Variants in EPAS1 observed in about 807,000 individuals in gnomAD.
The protein encoded by EPAS1 is endothelial PAS domain-containing protein 1.
Under a neutral mutation model 87.9 loss-of-function variants are expected in EPAS1, and 23 were observed. The ratio of observed to expected loss-of-function variants is 0.26; its 90% confidence interval spans 0.19 to 0.37. The LOEUF is 0.37. Ranked by LOEUF, EPAS1 falls within the 10% of genes least tolerant of loss-of-function variation. EPAS1 has a pLI of 1.00. For synonymous variants in EPAS1, 508 were observed against 444.3 expected, an observed-to-expected ratio of 1.14 and a Z score of -1.80; for missense variants, 1,138 against 1,120.7, an observed-to-expected ratio of 1.02 and a Z score of -0.22.
intron 10 of EPAS1, 144 bp from the exon 11 acceptor site, chr2:46,378,513 A>G: frequency 1.4e-6 from 1 of 731,888 alleles, no homozygotes; most frequent in Non-Finnish European, 2.4e-6. Flanking sequence ...ACAGCTTGTT[A>G]ATTAGCAGCC....
chr2:46,374,388 G>T (rs1455708382), intron 7 of EPAS1, among the ~76,000 whole-genome samples: 1 of 152,180 alleles, frequency 6.6e-6, no homozygotes, highest in Non-Finnish European at 1.5e-5. Context: ...GTATCTCTAA[G>T]AAAGAGGTGG....
chr2:46,350,230 T>C (rs961145940), intron 2 of EPAS1, among the ~76,000 whole-genome samples: 2 of 152,238 alleles, frequency 1.3e-5, no homozygotes, highest in East Asian at 1.9e-4. Flanking sequence ...GTCAAACTTT[T>C]CCAAGGCAAA....
Position 46,371,046 on chromosome 2 carries a change from A to C in EPAS1, c.886+1113A>C, listed in dbSNP as rs1480422790. On this transcript the variant is annotated intron_variant, in intron 7 of 15. Transcript: ENST00000263734. This position sits in a 1 kb window ranked among gnomAD's most constrained non-coding sequence, Gnocchi z 4.3. ...GTACAGAACAGGCACTAAATGCACTATATAAACCGATGGGCAAGACTGTAT... is the reference window on the plus strand; with the variant it reads ...GTACAGAACAGGCACTAAATGCACTCTATAAACCGATGGGCAAGACTGTAT... Among the ~76,000 whole-genome samples, 2 of 152,214 alleles carry C rather than the reference A, an allele frequency of 1.3e-5. No individual in the cohort carries two copies. The highest frequency in any genetic ancestry group is 2.9e-5 in the Non-Finnish European group (2 of 68,044).
intron 15 of EPAS1, 92 bp from the exon 16 acceptor site, chr2:46,384,417 G>A (rs750560801): frequency 1.9e-6 from 3 of 1,561,518 alleles, no homozygotes; most frequent in Non-Finnish European, 2.6e-6. Flanking sequence ...AATTAGGGCT[G>A]CTCTATTGGT....
chr2:46,347,082 C>A lies in EPAS1; in HGVS notation c.217+19C>A, dbSNP rs1684044788. 3 of 1,614,108 alleles carry A rather than the reference C, an allele frequency of 1.9e-6. 1 individual carries two copies. The highest frequency in any genetic ancestry group is 3.3e-4 in the Middle Eastern group (2 of 6,062). ...TCCTCAGGTAAGGCCAGCAGGCTCC[C>A]CTAGGCTGGGCAGATGCCAGCCTTA... On this transcript the variant is annotated intron_variant, in intron 2 of 15. Transcript: ENST00000263734. The surrounding 1 kb of genome is among the most constrained non-coding windows in gnomAD (Gnocchi z 4.2).
intron 1 of EPAS1, 42 bp downstream of exon 1, chr2:46,297,979 C>G: frequency 6.2e-7 from 1 of 1,607,008 alleles, no homozygotes; most frequent in Non-Finnish European, 8.5e-7. Context: ...GGTCCGAGGC[C>G]AGGGCCGGGC....
chr2:46,297,800 C>G lies in EPAS1; in HGVS notation c.-112C>G. ...GGGCGCTCGGGACCTGCGCGCACCT[C>G]GGACCTTCACCACCCGCCCGGGCCG... On this transcript the variant is annotated 5_prime_UTR_variant, in exon 1 of 16. Coordinates refer to ENST00000263734, the MANE Select transcript of EPAS1 (RefSeq NM_001430.5). The G allele has an allele frequency of 6.8e-6, 10 of 1,460,944 alleles. No individual in the cohort carries two copies. Among genetic ancestry groups the G allele is most frequent in the Non-Finnish European group, 7.5e-6 (8 of 1,069,878 alleles). The allele number at this position is 1,460,944 out of a possible 1,614,324, so 90.5% of individuals were successfully genotyped here.
At position 46,371,151 on chromosome 2, in the gene EPAS1, G is replaced by A. The variant is rs182489284; in HGVS notation, c.886+1218G>A. ...AGAGGATTATGGGAGGATTAAAAAC[G>A]GGTAAAGTAAGTCTGAGAAGATTCC... On this transcript the variant is annotated intron_variant, in intron 7 of 15. Coordinates refer to ENST00000263734, the MANE Select transcript of EPAS1 (RefSeq NM_001430.5). This position sits in a 1 kb window ranked among gnomAD's most constrained non-coding sequence, Gnocchi z 4.3. 1.3e-4 allele frequency among the ~76,000 whole-genome samples: 20 copies of A among 152,232 alleles called. No homozygotes were observed. The highest frequency in any genetic ancestry group is 2.1e-4 in the South Asian group (1 of 4,808).
Position 46,381,630 on chromosome 2 carries a change from G to A in EPAS1, c.2080G>A (p.Val694Met), listed in dbSNP as rs375544083. 1.1e-5 allele frequency: 18 copies of A among 1,613,868 alleles called. No homozygotes were observed. Among genetic ancestry groups the A allele is most frequent in the East Asian group, 2.2e-5 (1 of 44,900 alleles). The change falls in exon 13 of 16, where the codon GTG becomes ATG. Residue 694 changes from valine to methionine, a missense_variant. Transcript: ENST00000263734. ...GGGTTTTGGGGCTCGAGGCCCAGAC[G>A]TGCTGAGTCCGGCCATGGTAGCCCT... is the stretch of plus-strand genomic sequence containing the variant. ...AKGFGARGPD[V>M]LSPAMVALSN...
chr2:46,338,390 T>C (rs556731961), intron 1 of EPAS1, among the ~76,000 whole-genome samples: 1 of 152,338 alleles, frequency 6.6e-6, no homozygotes, highest in African/African-American at 2.4e-5. Context: ...GTCTCTTAGC[T>C]GAAGGCTGCA....
At chr2:46,302,734 G>T (rs1232269166) in intron 1 of EPAS1, among the ~76,000 whole-genome samples, 3 of 119,548 alleles carry the variant, frequency 2.5e-5, no homozygotes, top group East Asian at 3.4e-4. Flanking sequence ...GTCTGATTAG[G>T]AAAAAAAAAA....
At position 46,376,522 on chromosome 2, in the gene EPAS1, T is replaced by C. The variant is rs577048768; in HGVS notation, c.1035-17T>C. On this transcript the variant is annotated splice_polypyrimidine_tract_variant and intron_variant, in intron 8 of 15. Transcript: ENST00000263734. ...AGAAAATGTGGAAAGTCTGAATGGC[T>C]CTTTCCCCCCCATTAGTGAGATTGA... 6.2e-7 allele frequency: 1 copy of C among 1,612,518 alleles called. No homozygotes were observed. The highest frequency in any genetic ancestry group is 1.3e-5 in the African/African-American group (1 of 74,978).
In EPAS1 at chr2:46,361,015, T is replaced by G. The variant is rs924437921; in HGVS notation, c.704T>G (p.Met235Arg). 1.9e-6 allele frequency: 3 copies of G among 1,614,002 alleles called. No individual in the cohort carries two copies. The highest frequency in any genetic ancestry group is 1.1e-5 in the South Asian group (1 of 91,086). ...GAACCAATCCAGCACCCATCCCACA[T>G]GGACATCCCCCTGGATAGCAAGACC... is the stretch of plus-strand genomic sequence containing the variant. ...MCEPIQHPSH[M>R]DIPLDSKTFL... Residue 235 changes from methionine to arginine, a missense_variant, in exon 6 of 16, where the codon ATG becomes AGG. By Grantham distance (91) the Met-to-Arg change is moderately conservative. Transcript: ENST00000263734.
intron 1 of EPAS1, among the ~76,000 whole-genome samples, chr2:46,338,224 C>T (rs948475836): frequency 6.6e-5 from 10 of 152,134 alleles, no homozygotes; most frequent in African/African-American, 2.2e-4. Flanking sequence ...GGGTCTGTCT[C>T]CTTATGTGTA....
chr2:46,322,943 A>G (rs968884055), intron 1 of EPAS1, among the ~76,000 whole-genome samples: 2 of 152,222 alleles, frequency 1.3e-5, no homozygotes, highest in African/African-American at 4.8e-5. Flanking sequence ...GAAGTTTGCA[A>G]TTTCTGTACT....
At chr2:46,344,229 C>T (rs1683970069) in intron 1 of EPAS1, among the ~76,000 whole-genome samples, 4 of 152,196 alleles carry the variant, frequency 2.6e-5, no homozygotes, top group Admixed American at 2.0e-4. Flanking sequence ...ATGCCATTGT[C>T]AGAGCATTGA....
At chr2:46,315,760 G>A (rs1029540373) in intron 1 of EPAS1, among the ~76,000 whole-genome samples, 2 of 152,238 alleles carry the variant, frequency 1.3e-5, no homozygotes, top group Admixed American at 1.3e-4. Context: ...ACGTCACCCA[G>A]GGGTGCTCTG....
intron 1 of EPAS1, among the ~76,000 whole-genome samples, chr2:46,307,901 TTC>T (rs1683138612): frequency 6.6e-6 from 1 of 152,162 alleles, no homozygotes; most frequent in Non-Finnish European, 1.5e-5. Flanking sequence ...GGATTTGGGT[TTC>T]TCTTAGGGAT....
chr2:46,318,524 G>C (rs1683390161), intron 1 of EPAS1, among the ~76,000 whole-genome samples: 1 of 152,152 alleles, frequency 6.6e-6, no homozygotes, highest in African/African-American at 2.4e-5. Context: ...AATAAAACAA[G>C]GCATGCCTGT....
Sources: gnomAD v4.1 joint callset for allele counts (sites outside exome capture counted in the v4.1 genomes callset) on GRCh38, gnomAD v4.1.1 for gene constraint, Gnocchi (gnomAD v3.1) non-coding constraint, MANE v1.5 for transcripts, NCBI Gene and HGNC (gene_info 2026-07-23, HGNC 2026-07-21) for gene names.